Variants in EML6 observed in about 807,000 individuals in gnomAD.
EML6 encodes EMAP like 6.
EML6 carries 154 observed loss-of-function variants against 240.1 expected under a neutral mutation model. The ratio of observed to expected loss-of-function variants is 0.64; its 90% confidence interval spans 0.56 to 0.73. The LOEUF (loss-of-function observed/expected upper bound fraction) is 0.73. EML6 is among the 30% of genes least tolerant of loss of function. EML6 has a pLI of 0.00. For synonymous variants in EML6, 1,148 were observed against 899.0 expected (o/e 1.28, Z -4.95); for missense variants, 2,964 against 2,474.6 (o/e 1.20, Z -4.20).
intron 8 of EML6, among the ~76,000 whole-genome samples, chr2:54,845,753 G>A (rs1669716788): frequency 6.6e-6 from 1 of 152,148 alleles, no homozygotes; most frequent in Admixed American, 6.5e-5. Context: ...CTGCCTAAGG[G>A]ACCGGTAAGC....
In EML6 at chr2:54,895,414, GTATT is replaced by G; in HGVS notation, c.2982+15_2982+18del. On this transcript the variant is annotated intron_variant, in intron 21 of 41. Coordinates refer to ENST00000356458, the MANE Select transcript of EML6 (RefSeq NM_001039753.4). ...CTGCTTGTTCAGGTACTGTTTGTATGTATTCTAAACTGCAGTTCACATCAAGGCT... is the reference window on the plus strand; with the variant it reads ...CTGCTTGTTCAGGTACTGTTTGTATGCTAAACTGCAGTTCACATCAAGGCT... 1 of 1,551,548 alleles carries G rather than the reference GTATT, an allele frequency of 6.4e-7. No individual in the cohort carries two copies. Among genetic ancestry groups the G allele is most frequent in the Non-Finnish European group, 8.7e-7 (1 of 1,146,754 alleles).
chr2:54,937,553 T>TA (rs34682923), intron 28 of EML6, among the ~76,000 whole-genome samples: 2,780 of 68,212 alleles, frequency 0.041, 149 homozygotes, highest in Admixed American at 0.11. Context: ...ACTCTGTCTT[T>TA]AAAAAAAAAA....
intron 31 of EML6, among the ~76,000 whole-genome samples, chr2:54,953,386 G>C (rs1219220901): frequency 2.0e-5 from 3 of 152,178 alleles, no homozygotes; most frequent in Admixed American, 6.5e-5. Context: ...CATGTTTGCT[G>C]ATTGTATCTT....
At chr2:54,794,428 T>G (rs1669640802) in intron 2 of EML6, among the ~76,000 whole-genome samples, 1 of 152,222 alleles carries the variant, frequency 6.6e-6, no homozygotes, top group Non-Finnish European at 1.5e-5. Context: ...GTGATTTGAT[T>G]ACTAAAACGT....
intron 2 of EML6, among the ~76,000 whole-genome samples, chr2:54,727,477 A>G (rs1239327359): frequency 1.3e-5 from 2 of 152,202 alleles, no homozygotes; most frequent in East Asian, 3.8e-4. Flanking sequence ...TACATATGTA[A>G]ATATCTTTTT....
At chr2:54,826,305 C>T (rs75653162) in intron 5 of EML6, among the ~76,000 whole-genome samples, 2 of 152,144 alleles carry the variant, frequency 1.3e-5, no homozygotes, top group African/African-American at 2.4e-5. Flanking sequence ...GGGGCTATAT[C>T]AAGGGCAGTG....
At chr2:54,901,940 G>A (rs1673077586) in intron 22 of EML6, among the ~76,000 whole-genome samples, 1 of 152,222 alleles carries the variant, frequency 6.6e-6, no homozygotes, top group Admixed American at 6.5e-5. Flanking sequence ...ACCCTACAAA[G>A]GAGTAGAGAA....
intron 2 of EML6, among the ~76,000 whole-genome samples, chr2:54,797,049 C>T (rs72917550): frequency 0.011 from 1,618 of 151,254 alleles, 32 homozygotes; most frequent in African/African-American, 0.036. Context: ...CCTGTAGTCC[C>T]AGCTGCTCAG....
intron 28 of EML6, among the ~76,000 whole-genome samples, chr2:54,938,828 A>G (rs549895154): frequency 6.6e-6 from 1 of 152,260 alleles, no homozygotes; most frequent in Admixed American, 6.5e-5. Flanking sequence ...GGCACTGGGG[A>G]AAATTGCCTT....
At chr2:54,952,181 A>C (rs915891678) in intron 30 of EML6, among the ~76,000 whole-genome samples, 1 of 152,182 alleles carries the variant, frequency 6.6e-6, no homozygotes, top group East Asian at 1.9e-4. Flanking sequence ...TGCTCAGTAA[A>C]GCATCATCTC....
intron 5 of EML6, among the ~76,000 whole-genome samples, chr2:54,824,681 G>T (rs1310114606): frequency 6.6e-6 from 1 of 152,138 alleles, no homozygotes; most frequent in South Asian, 2.1e-4. Flanking sequence ...TTGAGCATCG[G>T]CTGCTTCACT....
At chr2:54,843,856 A>G (rs1669600037) in intron 7 of EML6, among the ~76,000 whole-genome samples, 191 bp from the exon 8 acceptor site, 1 of 151,662 alleles carries the variant, frequency 6.6e-6, no homozygotes, top group African/African-American at 2.4e-5. Flanking sequence ...AAAAAAAAAA[A>G]AAAAAAAGCA....
At chr2:54,779,051 T>G (rs762036857) in intron 2 of EML6, among the ~76,000 whole-genome samples, 1 of 152,230 alleles carries the variant, frequency 6.6e-6, no homozygotes, top group Non-Finnish European at 1.5e-5. Context: ...CAGAATTTGA[T>G]TTCTTTAACT....
chr2:54,955,348 T>G (rs149882784), intron 32 of EML6, among the ~76,000 whole-genome samples: 50 of 152,300 alleles, frequency 3.3e-4, no homozygotes, highest in African/African-American at 1.2e-3. Context: ...GGACCCATCC[T>G]AAGGAGAAAT....
intron 28 of EML6, among the ~76,000 whole-genome samples, chr2:54,947,383 C>G (rs1372708386): frequency 1.3e-5 from 2 of 152,092 alleles, no homozygotes; most frequent in Non-Finnish European, 2.9e-5. Flanking sequence ...TGCTGTCTAC[C>G]CATTCTTCAG....
chr2:54,918,009 T>C (rs1003187587), intron 26 of EML6, among the ~76,000 whole-genome samples: 1 of 152,244 alleles, frequency 6.6e-6, no homozygotes, highest in African/African-American at 2.4e-5. Context: ...ATTGGCCCTT[T>C]TGGCTGCCAC....
At chr2:54,893,346 G>T (rs768821105) in intron 19 of EML6, among the ~76,000 whole-genome samples, 5 of 152,126 alleles carry the variant, frequency 3.3e-5, no homozygotes, top group Non-Finnish European at 5.9e-5. Context: ...AGAGTAAGGG[G>T]CTGCAACAGG....
intron 28 of EML6, among the ~76,000 whole-genome samples, chr2:54,934,645 G>A (rs1675041666): frequency 6.6e-6 from 1 of 152,034 alleles, no homozygotes; most frequent in South Asian, 2.1e-4. Flanking sequence ...AGCCTCCTGG[G>A]CTCAAGCAAT....
At chr2:54,734,090 G>A (rs533391218) in intron 2 of EML6, among the ~76,000 whole-genome samples, 1 of 152,306 alleles carries the variant, frequency 6.6e-6, no homozygotes, top group South Asian at 2.1e-4. Context: ...TGTAACCCTA[G>A]CACTTTGGGA....
Sources: allele counts gnomAD v4.1 joint callset (sites outside exome capture counted in the v4.1 genomes callset), GRCh38; gene constraint gnomAD v4.1.1; transcripts MANE v1.5; gene names NCBI Gene and HGNC (gene_info 2026-07-23, HGNC 2026-07-21).